The following EYS variants were observed in gnomAD, a reference collection of about 807,000 sequenced individuals.
The protein encoded by EYS is protein eyes shut homolog.
Under a neutral mutation model 282.1 loss-of-function variants are expected in EYS, and 250 were observed. The observed-to-expected ratio is 0.89, with a 90% CI of 0.80 to 0.98. The LOEUF (loss-of-function observed/expected upper bound fraction) is 0.98, where lower values mean the gene tolerates loss of function less well. Ranked by LOEUF, EYS falls within the 50% of genes least tolerant of loss-of-function variation. The probability of loss-of-function intolerance (pLI) is 0.00; values close to 1 mark genes in which losing one functional copy is unlikely to be tolerated. For missense variants in EYS, 4,016 were observed against 3,709.0 expected (o/e 1.08, Z -2.15); for synonymous variants, 1,355 against 1,282.9 (o/e 1.06, Z -1.20).
chr6:65,335,997 A>G (rs1769974251), intron 10 of EYS, among the ~76,000 whole-genome samples: 1 of 151,542 alleles, frequency 6.6e-6, no homozygotes, highest in African/African-American at 2.4e-5. Context: ...AAAAGTATAT[A>G]ACACCTCTCC....
intron 5 of EYS, among the ~76,000 whole-genome samples, chr6:65,437,383 T>C (rs1014892724): frequency 3.3e-5 from 5 of 152,118 alleles, no homozygotes; most frequent in African/African-American, 1.2e-4. Flanking sequence ...CATTAACTCT[T>C]AGATGATAGT....
chr6:65,438,555 G>T (rs535383631), intron 5 of EYS, among the ~76,000 whole-genome samples: 3 of 152,252 alleles, frequency 2.0e-5, no homozygotes, highest in African/African-American at 7.2e-5. Flanking sequence ...CATTCTAACT[G>T]GTGTGAGATG....
At chr6:64,019,319 GATA>G (rs1025357504) in intron 33 of EYS, among the ~76,000 whole-genome samples, 1 of 152,140 alleles carries the variant, frequency 6.6e-6, no homozygotes, top group African/African-American at 2.4e-5. Context: ...AGAGCTGTGA[GATA>G]ATAAATTTCT....
intron 35 of EYS, among the ~76,000 whole-genome samples, chr6:63,887,826 A>G (rs186696699): frequency 6.6e-6 from 1 of 152,276 alleles, no homozygotes; most frequent in Admixed American, 6.5e-5. Flanking sequence ...CTCCCCTGGA[A>G]AGGGGGCTGA....
At chr6:64,450,654 T>C (rs1775296534) in intron 26 of EYS, among the ~76,000 whole-genome samples, 1 of 151,890 alleles carries the variant, frequency 6.6e-6, no homozygotes, top group Non-Finnish European at 1.5e-5. Context: ...GATAACAAAC[T>C]CTCTCTCAGA....
At chr6:65,660,873 G>T (rs1299908275) in intron 1 of EYS, among the ~76,000 whole-genome samples, 1 of 151,660 alleles carries the variant, frequency 6.6e-6, no homozygotes, top group Non-Finnish European at 1.5e-5. Context: ...TTATTGCTTT[G>T]TAACACACTG....
intron 2 of EYS, among the ~76,000 whole-genome samples, chr6:65,549,489 G>GTGTAATGTGCT (rs1768520089): frequency 1.3e-5 from 2 of 152,096 alleles, no homozygotes; most frequent in African/African-American, 2.4e-5. Context: ...TTACTGCTGT[G>GTGTAATGTGCT]TGTAGCTGCT....
intron 5 of EYS, among the ~76,000 whole-genome samples, chr6:65,448,835 C>T (rs1264987621): frequency 6.6e-6 from 1 of 151,956 alleles, no homozygotes; most frequent in Non-Finnish European, 1.5e-5. Flanking sequence ...GTGGTCAAAG[C>T]AAATAAACAC....
intron 31 of EYS, among the ~76,000 whole-genome samples, chr6:64,190,805 A>G (rs990237977): frequency 1.3e-5 from 2 of 152,206 alleles, no homozygotes; most frequent in African/African-American, 4.8e-5. Context: ...TCTTACCTTC[A>G]TGAAAGAGTT....
chr6:65,578,988 C>T (rs539879588), intron 2 of EYS, among the ~76,000 whole-genome samples: 1 of 152,088 alleles, frequency 6.6e-6, no homozygotes, highest in South Asian at 2.1e-4. Flanking sequence ...AATTATTTTC[C>T]AAAGCTGTGT....
intron 15 of EYS, among the ~76,000 whole-genome samples, chr6:64,925,680 C>T (rs1035708971): frequency 2.0e-5 from 3 of 151,742 alleles, no homozygotes; most frequent in Non-Finnish European, 2.9e-5. Flanking sequence ...AAGATGTTCT[C>T]ACCTTGTCTA....
intron 15 of EYS, among the ~76,000 whole-genome samples, chr6:64,924,802 T>C (rs1045556088): frequency 6.6e-6 from 1 of 152,206 alleles, no homozygotes; most frequent in African/African-American, 2.4e-5. Context: ...CATCTCCATC[T>C]GAGACCACTG....
In EYS at chr6:65,128,179, A is replaced by G. The variant is rs73766205; in HGVS notation, c.2024-70452T>C. Among the ~76,000 whole-genome samples the G allele has an allele frequency of 9.2e-3, 1,398 of 152,114 alleles. 14 individuals carry two copies. Among genetic ancestry groups the G allele is most frequent in the African/African-American group, 0.032 (1,320 of 41,540 alleles). On this transcript the variant is annotated intron_variant, in intron 12 of 42. Transcript: ENST00000503581. ...GCTTAACCTTTACCATATCCGATCA[A>G]GGTAGAAAAAGAAAAATATTCAAAG...
intron 30 of EYS, among the ~76,000 whole-genome samples, chr6:64,235,074 T>A (rs1362462854): frequency 7.3e-6 from 1 of 137,254 alleles, no homozygotes; most frequent in Non-Finnish European, 1.6e-5. Context: ...TATTTTTTAT[T>A]TTTTTATTTT....
rs751872447 is a variant in EYS at position 65,544,001 on chromosome 6, AGTGT to A, written c.-332-48012_-332-48009del. On this transcript the variant is annotated intron_variant, in intron 2 of 42. Transcript: ENST00000503581. ...TCCCACTTATTACTGAAAAAGAGAAAGTGTGTGTGTGTGTGTGTGTGTGTGTGTG... is the reference window on the plus strand; with the variant it reads ...TCCCACTTATTACTGAAAAAGAGAAAGTGTGTGTGTGTGTGTGTGTGTGTG... Among the ~76,000 whole-genome samples the A allele has an allele frequency of 2.8e-3, 413 of 145,080 alleles. 4 individuals are homozygous for A. The highest frequency in any genetic ancestry group is 3.4e-3 in the Middle Eastern group (1 of 292).
chr6:65,668,993 A>T (rs1422161178), intron 1 of EYS, among the ~76,000 whole-genome samples: 2 of 152,062 alleles, frequency 1.3e-5, no homozygotes, highest in East Asian at 3.9e-4. Context: ...CAGCCTGTTG[A>T]CTTAGTACCT....
At chr6:64,445,051 C>A (rs1349600897) in intron 26 of EYS, among the ~76,000 whole-genome samples, 7 of 152,152 alleles carry the variant, frequency 4.6e-5, no homozygotes, top group Admixed American at 6.5e-5. Context: ...GATAGCAATA[C>A]AAAACAGACT....
chr6:65,249,247 C>T (rs747747147), intron 12 of EYS, among the ~76,000 whole-genome samples: 5 of 151,860 alleles, frequency 3.3e-5, no homozygotes, highest in African/African-American at 1.2e-4. Flanking sequence ...AGCTCAAAAT[C>T]ACAACAATTT....
Position 63,788,267 on chromosome 6 carries a change from A to C in EYS, c.7579-18T>G, listed in dbSNP as rs1208751234. 1.3e-6 allele frequency: 2 copies of C among 1,512,998 alleles called. No homozygotes were observed. Among genetic ancestry groups the C allele is most frequent in the African/African-American group, 1.4e-5 (1 of 70,790 alleles). The allele number at this position is 1,512,998 out of a possible 1,614,324, so 93.7% of individuals were successfully genotyped here. ...TCATCTACCTTCGAAAGGGAAAAAA[A>C]ACCTATTAAAAAAGGAATTAATTCC... On this transcript the variant is annotated intron_variant, in intron 38 of 42. Transcript: ENST00000503581.
Sources: allele counts gnomAD v4.1 joint callset (sites outside exome capture counted in the v4.1 genomes callset), GRCh38; gene constraint gnomAD v4.1.1; transcripts MANE v1.5; gene names NCBI Gene and HGNC (gene_info 2026-07-23, HGNC 2026-07-21).